The following RXFP1 variants were observed in gnomAD, a reference collection of about 807,000 sequenced individuals.
The protein encoded by RXFP1 is relaxin family peptide receptor 1, also known as relaxin receptor 1.
In RXFP1, 73 loss-of-function variants were observed where a neutral mutation model predicts 89.8. The observed-to-expected ratio is 0.81, with a 90% CI of 0.67 to 0.99. The LOEUF (loss-of-function observed/expected upper bound fraction) is 0.99. Ranked by LOEUF, RXFP1 falls within the 50% of genes least tolerant of loss-of-function variation. The pLI, the probability that RXFP1 is intolerant of heterozygous loss-of-function variation, is 0.00. For synonymous variants in RXFP1, 277 were observed against 305.5 expected (o/e 0.91, Z 0.97); for missense variants, 793 against 895.5 (o/e 0.89, Z 1.46).
In RXFP1 at chr4:158,545,664, A is replaced by C. The variant is rs774800263; in HGVS notation, c.49+23639A>C. On this transcript the variant is annotated intron_variant, in intron 1 of 17. Transcript: ENST00000307765. ...AAGGGATCCAGTTTCAGCTTTCTAC[A>C]TATGGCTAGCCAGTTTTCCCAGCAC... is the stretch of plus-strand genomic sequence containing the variant. Among the ~76,000 whole-genome samples the C allele has an allele frequency of 7.7e-4, 118 of 152,330 alleles. 1 individual carries two copies. Among genetic ancestry groups the C allele is most frequent in the Non-Finnish European group, 1.4e-3 (92 of 68,022 alleles).
At chr4:158,529,998 C>T (rs1743626283) in intron 1 of RXFP1, among the ~76,000 whole-genome samples, 1 of 152,228 alleles carries the variant, frequency 6.6e-6, no homozygotes, top group Middle Eastern at 3.4e-3. Context: ...CATTTTTGGC[C>T]GATTTTTTTC....
intron 1 of RXFP1, chr4:158,544,445 T>C (rs1272272776): frequency 8.0e-6 from 6 of 745,546 alleles, no homozygotes; most frequent in East Asian, 1.3e-4. Flanking sequence ...TCTTTTTTTT[T>C]TTAATTTTAT....
In RXFP1 at chr4:158,600,833, A is replaced by C. The variant is rs544926808; in HGVS notation, c.392+1402A>C. On this transcript the variant is annotated intron_variant, in intron 4 of 17. Transcript: ENST00000307765. Reference sequence around the variant, plus strand: ...CAAAGTGAGACCCTGCCTCAAAAAAAAAAAAGAATTTATGATTTCATTCTA... The same window carrying C: ...CAAAGTGAGACCCTGCCTCAAAAAACAAAAAGAATTTATGATTTCATTCTA... 8.8e-3 allele frequency among the ~76,000 whole-genome samples: 1,335 copies of C among 152,182 alleles called. 15 individuals are homozygous for C. Among genetic ancestry groups the C allele is most frequent in the African/African-American group, 0.03 (1,226 of 41,512 alleles).
intron 2 of RXFP1, among the ~76,000 whole-genome samples, chr4:158,578,315 A>C (rs958666584): frequency 2.2e-4 from 34 of 152,194 alleles, no homozygotes; most frequent in African/African-American, 8.2e-4. Flanking sequence ...GGACCAAAAA[A>C]ATTTTTTTAA....
chr4:158,535,005 C>T (rs1744970758), intron 1 of RXFP1, among the ~76,000 whole-genome samples: 1 of 148,678 alleles, frequency 6.7e-6, no homozygotes, highest in African/African-American at 2.5e-5. Flanking sequence ...AATATTTTAT[C>T]ATTTATTATA....
rs868055434 is a variant in RXFP1 at position 158,621,284 on chromosome 4, C to G, written c.755+4079C>G. Among the ~76,000 whole-genome samples the G allele has an allele frequency of 1.2e-4, 19 of 152,196 alleles. 1 individual carries two copies. The highest frequency in any genetic ancestry group is 4.6e-4 in the African/African-American group (19 of 41,444). On this transcript the variant is annotated intron_variant, in intron 9 of 17. Transcript: ENST00000307765. ...CTATGATTGTGCCACTACACTCCAG[C>G]CTGGGCAACAGAGGGAGACTTGTCT...
intron 1 of RXFP1, among the ~76,000 whole-genome samples, chr4:158,561,839 G>A (rs1752517054): frequency 6.6e-6 from 1 of 152,068 alleles, no homozygotes; most frequent in Non-Finnish European, 1.5e-5. Context: ...TGTTGGCCAG[G>A]CTGGTCTAGA....
intron 1 of RXFP1, among the ~76,000 whole-genome samples, chr4:158,556,430 G>A (rs577510261): frequency 2.0e-5 from 3 of 152,114 alleles, no homozygotes; most frequent in East Asian, 1.9e-4. Flanking sequence ...TAGTATTGGC[G>A]AGGATGTGGA....
intron 8 of RXFP1, among the ~76,000 whole-genome samples, chr4:158,612,812 T>A (rs1367740985): frequency 6.6e-6 from 1 of 152,116 alleles, no homozygotes; most frequent in African/African-American, 2.4e-5. Context: ...GGTTTCACCA[T>A]GTTGGCCAGG....
At chr4:158,579,038 G>A (rs953891162) in intron 2 of RXFP1, among the ~76,000 whole-genome samples, 6 of 148,186 alleles carry the variant, frequency 4.0e-5, no homozygotes, top group African/African-American at 1.5e-4. Flanking sequence ...CAGTGTCCTC[G>A]CAAGAGACAG....
intron 1 of RXFP1, among the ~76,000 whole-genome samples, chr4:158,563,574 T>C (rs1752938888): frequency 6.7e-6 from 1 of 149,606 alleles, no homozygotes; most frequent in South Asian, 2.1e-4. Flanking sequence ...GATTAACACA[T>C]GCAAAAGAGA....
At chr4:158,601,434 C>T (rs1368991417) in intron 4 of RXFP1, among the ~76,000 whole-genome samples, 1 of 152,156 alleles carries the variant, frequency 6.6e-6, no homozygotes, top group East Asian at 1.9e-4. Flanking sequence ...AAATCTTCAA[C>T]AGGCATTTGG....
intron 9 of RXFP1, among the ~76,000 whole-genome samples, chr4:158,625,987 C>A (rs1766618777): frequency 6.6e-6 from 1 of 151,956 alleles, no homozygotes; most frequent in South Asian, 2.1e-4. Flanking sequence ...TTCAAGATAA[C>A]CACGAAGAGA....
intron 1 of RXFP1, among the ~76,000 whole-genome samples, chr4:158,553,028 A>G (rs773786721): frequency 6.6e-6 from 1 of 152,110 alleles, no homozygotes; most frequent in Admixed American, 6.5e-5. Context: ...CTACAAAAAT[A>G]AAAATTAAAA....
rs769775527 is a variant in RXFP1, at chr4:158,637,998, TA to T, written c.972-4del. 6.4e-7 allele frequency: 1 copy of T among 1,565,866 alleles called. No individual in the cohort carries two copies. Among genetic ancestry groups the T allele is most frequent in the East Asian group, 2.3e-5 (1 of 44,434 alleles). ...AGAAATGACCTATTGCTGCTTTTTT[TA>T]AAAAACAGGAATCTTTCCTATAATC... On this transcript the variant is annotated splice_polypyrimidine_tract_variant and intron_variant, in intron 12 of 17. Transcript: ENST00000307765.
chr4:158,530,866 A>G (rs1411520897), intron 1 of RXFP1, among the ~76,000 whole-genome samples: 1 of 152,232 alleles, frequency 6.6e-6, no homozygotes, highest in Non-Finnish European at 1.5e-5. Flanking sequence ...ATCCAAAATA[A>G]TGTGGCAAGT....
At chr4:158,640,666 C>T (rs1370444687) in intron 14 of RXFP1, among the ~76,000 whole-genome samples, 1 of 152,154 alleles carries the variant, frequency 6.6e-6, no homozygotes, top group Non-Finnish European at 1.5e-5. Flanking sequence ...TGGGCCCCAC[C>T]TCCAACATTG....
At chr4:158,529,583 C>G (rs1238215565) in intron 1 of RXFP1, among the ~76,000 whole-genome samples, 1 of 152,144 alleles carries the variant, frequency 6.6e-6, no homozygotes, top group African/African-American at 2.4e-5. Flanking sequence ...GATCCTGCTA[C>G]ATGCTTGGGT....
intron 1 of RXFP1, among the ~76,000 whole-genome samples, chr4:158,526,902 C>T (rs1742637335): frequency 1.3e-5 from 2 of 152,132 alleles, no homozygotes; most frequent in Admixed American, 1.3e-4. Flanking sequence ...ACTCTCTCCA[C>T]CTCTCTCTCC....
Sources: allele counts gnomAD v4.1 joint callset (sites outside exome capture counted in the v4.1 genomes callset), GRCh38; gene constraint gnomAD v4.1.1; transcripts MANE v1.5; gene names NCBI Gene and HGNC (gene_info 2026-07-23, HGNC 2026-07-21).